PARN: variants seen among roughly 807,000 people sequenced by gnomAD.
The protein encoded by PARN is poly(A)-specific ribonuclease, also known as poly(A)-specific ribonuclease PARN.
A neutral mutation model predicts 102.8 loss-of-function variants in PARN; 71 were observed. The ratio of observed to expected loss-of-function variants is 0.69; its 90% CI spans 0.57 to 0.84. The LOEUF (loss-of-function observed/expected upper bound fraction) is 0.84. PARN is among the 40% of genes least tolerant of loss of function. PARN has a pLI of 0.00. For missense variants in PARN, 782 were observed against 760.9 expected (o/e 1.03, Z -0.33); for synonymous variants, 261 against 252.9 (o/e 1.03, Z -0.30).
intron 22 of PARN, among the ~76,000 whole-genome samples, chr16:14,463,173 G>A (rs117503803): frequency 1.1e-4 from 16 of 152,318 alleles, no homozygotes; most frequent in Non-Finnish European, 1.9e-4. Flanking sequence ...GGGGAGACTA[G>A]TTTGGAAGGT....
chr16:14,619,876 C>T (rs1004554016), intron 5 of PARN, among the ~76,000 whole-genome samples: 7 of 151,260 alleles, frequency 4.6e-5, no homozygotes, highest in African/African-American at 1.7e-4. Flanking sequence ...TCGAGACCCG[C>T]CTGACCAACA....
intron 2 of PARN, among the ~76,000 whole-genome samples, chr16:14,629,074 G>A (rs1164787990): frequency 6.6e-6 from 1 of 152,214 alleles, no homozygotes; most frequent in Non-Finnish European, 1.5e-5. Context: ...TATATGAGAT[G>A]TTAAGGGCAG....
At chr16:14,476,228 C>T (rs1351413835) in intron 22 of PARN, among the ~76,000 whole-genome samples, 1 of 152,100 alleles carries the variant, frequency 6.6e-6, no homozygotes, top group Non-Finnish European at 1.5e-5. Flanking sequence ...ATATTTTTAA[C>T]CTCATATATC....
rs536086862 is a variant in PARN, at chr16:14,436,375, T to C, written c.*342A>G. The C allele has an allele frequency of 3.3e-6, 1 of 302,562 alleles. No individual in the cohort carries two copies. Among genetic ancestry groups the C allele is most frequent in the East Asian group, 6.5e-5 (1 of 15,376 alleles). 18.7% of individuals were successfully genotyped at this position (302,562 alleles called of 1,614,324 possible). A position where few individuals can be genotyped will look rare whatever the true frequency, so the allele number is the denominator to read the frequency against. ...CTGGAATGTCAGCTCTTTTTGCAGATTTCACAGCCGACACTCCCCATCAGG... is the reference window on the plus strand; with the variant it reads ...CTGGAATGTCAGCTCTTTTTGCAGACTTCACAGCCGACACTCCCCATCAGG... On this transcript the variant is annotated 3_prime_UTR_variant, in exon 24 of 24. Transcript: ENST00000437198.
intron 22 of PARN, among the ~76,000 whole-genome samples, chr16:14,455,880 G>A (rs1453950559): frequency 6.6e-6 from 1 of 152,190 alleles, no homozygotes; most frequent in Non-Finnish European, 1.5e-5. Flanking sequence ...CCTTTGACCT[G>A]ATGCTGGATA....
At chr16:14,449,342 A>G (rs984739542) in intron 22 of PARN, among the ~76,000 whole-genome samples, 3 of 152,184 alleles carry the variant, frequency 2.0e-5, no homozygotes, top group African/African-American at 7.2e-5. Flanking sequence ...CATTCCTCAC[A>G]CCATATAAAA....
intron 23 of PARN, among the ~76,000 whole-genome samples, chr16:14,439,261 A>G (rs1960842534): frequency 6.6e-6 from 1 of 151,814 alleles, no homozygotes; most frequent in Admixed American, 6.6e-5. Context: ...GGTCCCAGCT[A>G]CCTAGGAGGC....
intron 20 of PARN, 59 bp downstream of exon 20, chr16:14,554,006 A>G: frequency 9.7e-7 from 1 of 1,034,648 alleles, no homozygotes; most frequent in Non-Finnish European, 1.5e-6. Flanking sequence ...TCTACTTCTG[A>G]CCACCTATAC....
chr16:14,615,417 T>TTA (rs1199674700), intron 6 of PARN, among the ~76,000 whole-genome samples: 1 of 152,148 alleles, frequency 6.6e-6, no homozygotes, highest in Admixed American at 6.6e-5. Context: ...CATTTGGAAC[T>TTA]TATATTTTAT....
intron 13 of PARN, among the ~76,000 whole-genome samples, chr16:14,592,377 A>G (rs2151765891): frequency 6.6e-6 from 1 of 152,342 alleles, no homozygotes; most frequent in Non-Finnish European, 1.5e-5. Flanking sequence ...GTTGGTGTCT[A>G]CAGCTGAAGC....
chr16:14,539,614 G>A (rs549279264), intron 21 of PARN, among the ~76,000 whole-genome samples: 26 of 152,308 alleles, frequency 1.7e-4, no homozygotes, highest in African/African-American at 6.3e-4. Context: ...GATGACTTAA[G>A]TGATTTAGAG....
At chr16:14,442,884 T>C (rs1395455546) in intron 23 of PARN, among the ~76,000 whole-genome samples, 2 of 152,260 alleles carry the variant, frequency 1.3e-5, no homozygotes, top group Middle Eastern at 3.2e-3. Context: ...CCCAGCCCGC[T>C]TGGATTTCTA....
intron 22 of PARN, among the ~76,000 whole-genome samples, chr16:14,464,801 T>C (rs190529247): frequency 9.8e-4 from 149 of 151,896 alleles, no homozygotes; most frequent in African/African-American, 3.5e-3. Context: ...GACATTTTTA[T>C]ACATACAAAA....
chr16:14,438,451 G>T (rs534057109), intron 23 of PARN, among the ~76,000 whole-genome samples: 21 of 149,072 alleles, frequency 1.4e-4, no homozygotes, highest in Admixed American at 3.3e-4. Context: ...TGGGGGGGGG[G>T]GTGTGTGAGT....
chr16:14,620,448 T>C (rs886299492), intron 5 of PARN, among the ~76,000 whole-genome samples: 2 of 152,224 alleles, frequency 1.3e-5, no homozygotes, highest in East Asian at 1.9e-4. Flanking sequence ...GGCAAAATTA[T>C]GGAGTTCATA....
rs1379709979 is a variant in PARN at position 14,551,184 on chromosome 16, G to A, written c.1480+837C>T. Among the ~76,000 whole-genome samples the A allele has an allele frequency of 5.3e-5, 8 of 151,426 alleles. No individual in the cohort carries two copies. The East Asian group carries it at 7.9e-4, about 15-fold the overall frequency. ...TGACCTCAGATGATCCGCCTGCCTC[G>A]GCCTCCCTAAGTGCTGGGATTACAA... is the stretch of plus-strand genomic sequence containing the variant. On this transcript the variant is annotated intron_variant, in intron 21 of 23. Transcript: ENST00000437198.
intron 23 of PARN, among the ~76,000 whole-genome samples, chr16:14,437,838 T>A (rs1486067985): frequency 6.6e-6 from 1 of 152,170 alleles, no homozygotes; most frequent in African/African-American, 2.4e-5. Flanking sequence ...ATCATATCAC[T>A]GAGTTCACAG....
Position 14,565,410 on chromosome 16 carries a change from CA to C in PARN, c.1263-9702del, listed in dbSNP as rs71636621. The stretch of plus-strand genomic sequence containing the variant: ...TAAATACATACACTAGAAACAAAGG[CA>C]AAAAAAAAAAAACAAAGGAAGAAAA... On this transcript the variant is annotated intron_variant, in intron 18 of 23. Transcript: ENST00000437198. 8.0e-3 allele frequency among the ~76,000 whole-genome samples: 846 copies of C among 105,484 alleles called. 6 individuals are homozygous for C. Among genetic ancestry groups the C allele is most frequent in the African/African-American group, 0.024 (714 of 30,184 alleles). 69.2% of individuals were successfully genotyped at this position (105,484 alleles called of 152,430 possible).
Position 14,447,065 on chromosome 16 carries a change from T to C in PARN, c.1687A>G (p.Thr563Ala), listed in dbSNP as rs759859183. 6.2e-7 allele frequency: 1 copy of C among 1,612,158 alleles called. No individual in the cohort carries two copies. The highest frequency in any genetic ancestry group is 1.1e-5 in the South Asian group (1 of 90,642). ...YRNNSFTAPS[T>A]VGKRNLSPSQ... is the part of the protein sequence containing the mutation. ...GGACTCAAATTTCTCTTTCCTACTG[T>C]GCTGGGAGCTGTAAAACTGAAATGC... Residue 563 changes from threonine to alanine, a missense_variant, in exon 23 of 24, where the codon ACA (threonine) becomes GCA (alanine). Physicochemically the swap from Thr to Ala is moderately conservative, Grantham distance 58. Transcript: ENST00000437198.
Sources: allele counts gnomAD v4.1 joint callset (sites outside exome capture counted in the v4.1 genomes callset), GRCh38; gene constraint gnomAD v4.1.1; transcripts MANE v1.5; gene names NCBI Gene and HGNC (gene_info 2026-07-23, HGNC 2026-07-21).